The following DIAPH3 variants were observed in gnomAD, a reference collection of about 807,000 sequenced individuals.
The protein encoded by DIAPH3 is protein diaphanous homolog 3.
A neutral mutation model predicts 144.3 loss-of-function variants in DIAPH3; 117 were observed. The ratio of observed to expected loss-of-function variants is 0.81; its 90% CI spans 0.70 to 0.95. The LOEUF is 0.95. Among genes scored for constraint, DIAPH3 ranks in the 40% least tolerant of loss-of-function variants. DIAPH3 has a pLI of 0.00. For synonymous variants in DIAPH3, 519 were observed against 488.9 expected (o/e 1.06, Z -0.81); for missense variants, 1,421 against 1,412.7 (o/e 1.01, Z -0.09).
intron 19 of DIAPH3, among the ~76,000 whole-genome samples, chr13:59,915,185 G>T (rs150516683): frequency 6.6e-6 from 1 of 151,820 alleles, no homozygotes; most frequent in Non-Finnish European, 1.5e-5. Context: ...CAACATGAAC[G>T]AAGATGAAAA....
chr13:59,733,712 G>A (rs755905376), intron 27 of DIAPH3, among the ~76,000 whole-genome samples: 4 of 152,072 alleles, frequency 2.6e-5, no homozygotes, highest in South Asian at 2.1e-4. Flanking sequence ...TATCAACCTC[G>A]ACAGTTCAAG....
intron 25 of DIAPH3, among the ~76,000 whole-genome samples, chr13:59,799,613 A>G (rs2039800587): frequency 6.6e-6 from 1 of 152,202 alleles, no homozygotes. Context: ...TTGTCCTAGG[A>G]TTGTGCCAAT....
intron 5 of DIAPH3, among the ~76,000 whole-genome samples, chr13:60,029,613 C>A (rs1220055400): frequency 1.3e-5 from 2 of 152,150 alleles, no homozygotes; most frequent in Non-Finnish European, 2.9e-5. Context: ...ATCCTGCCAC[C>A]CTGTGAAGAA....
intron 24 of DIAPH3, among the ~76,000 whole-genome samples, chr13:59,816,600 C>T (rs1236787552): frequency 6.6e-6 from 1 of 151,610 alleles, no homozygotes; most frequent in Non-Finnish European, 1.5e-5. Flanking sequence ...TTTTATGTCA[C>T]TTTTTCTTTC....
At chr13:60,129,052 T>C (rs1022006945) in intron 2 of DIAPH3, among the ~76,000 whole-genome samples, 1 of 152,096 alleles carries the variant, frequency 6.6e-6, no homozygotes, top group East Asian at 1.9e-4. Flanking sequence ...ATGAGGATCA[T>C]AGAAGTACTA....
intron 24 of DIAPH3, among the ~76,000 whole-genome samples, chr13:59,816,031 T>C (rs558705668): frequency 6.6e-6 from 1 of 152,230 alleles, no homozygotes; most frequent in South Asian, 2.1e-4. Flanking sequence ...TGTTTTGAAA[T>C]CTGAATAGGA....
intron 21 of DIAPH3, among the ~76,000 whole-genome samples, chr13:59,874,939 A>G (rs2140025800): frequency 6.6e-6 from 1 of 152,312 alleles, no homozygotes; most frequent in East Asian, 1.9e-4. Context: ...TATGGTTATT[A>G]TATGTGGATT....
intron 27 of DIAPH3, among the ~76,000 whole-genome samples, chr13:59,717,169 G>A (rs1021179226): frequency 2.0e-5 from 3 of 152,086 alleles, no homozygotes; most frequent in Non-Finnish European, 4.4e-5. Flanking sequence ...GTAAGTTAAC[G>A]AAACCTTAGA....
chr13:60,050,038 T>A (rs1455650999), intron 4 of DIAPH3, among the ~76,000 whole-genome samples: 1 of 152,088 alleles, frequency 6.6e-6, no homozygotes, highest in East Asian at 1.9e-4. Flanking sequence ...AAAAACATTT[T>A]TCTTAATTAA....
chr13:59,788,928 A>G (rs2039181633), intron 25 of DIAPH3, among the ~76,000 whole-genome samples: 1 of 152,208 alleles, frequency 6.6e-6, no homozygotes, highest in African/African-American at 2.4e-5. Context: ...TGATTGTTAA[A>G]ATGTCTTGCA....
intron 20 of DIAPH3, among the ~76,000 whole-genome samples, chr13:59,901,281 G>T (rs2140177466): frequency 6.6e-6 from 1 of 152,324 alleles, no homozygotes; most frequent in East Asian, 1.9e-4. Flanking sequence ...TCAAGGCCCT[G>T]GTGGCCTCTT....
chr13:59,926,711 T>C (rs1321121217), intron 17 of DIAPH3, among the ~76,000 whole-genome samples: 1 of 152,186 alleles, frequency 6.6e-6, no homozygotes, highest in African/African-American at 2.4e-5. Flanking sequence ...ATAATTTTGA[T>C]TTTTTACAAG....
chr13:59,909,962 A>C (rs1180632559), intron 20 of DIAPH3, among the ~76,000 whole-genome samples: 5 of 152,198 alleles, frequency 3.3e-5, no homozygotes, highest in Non-Finnish European at 7.3e-5. Context: ...ATTTTAAGTA[A>C]ATTGAAAATA....
At chr13:59,873,791 C>T (rs184802451) in intron 21 of DIAPH3, among the ~76,000 whole-genome samples, 129 of 151,306 alleles carry the variant, frequency 8.5e-4, no homozygotes, top group Non-Finnish European at 6.3e-4. Context: ...CTCAGCCTCA[C>T]GAATAGAGTA....
intron 27 of DIAPH3, among the ~76,000 whole-genome samples, chr13:59,682,217 C>T (rs997992718): frequency 6.6e-6 from 1 of 152,196 alleles, no homozygotes; most frequent in Non-Finnish European, 1.5e-5. Context: ...CACATTTTAA[C>T]AAATACTACC....
intron 17 of DIAPH3, among the ~76,000 whole-genome samples, chr13:59,936,255 C>T: frequency 6.6e-6 from 1 of 152,208 alleles, no homozygotes; most frequent in South Asian, 2.1e-4. Context: ...CTCTTTAATC[C>T]TATATGAAAT....
intron 2 of DIAPH3, 67 bp from the exon 3 acceptor site, chr13:60,112,253 A>C: frequency 1.3e-6 from 2 of 1,577,750 alleles, no homozygotes; most frequent in Non-Finnish European, 1.7e-6. Context: ...TCATCTCAAA[A>C]ATGAGAAAAA....
chr13:59,827,645 C>T (rs1297430224), intron 24 of DIAPH3, among the ~76,000 whole-genome samples: 11 of 151,980 alleles, frequency 7.2e-5, no homozygotes, highest in African/African-American at 9.7e-5. Context: ...TTAATTAGTA[C>T]AGGCTTCCAC....
At chr13:59,908,593 T>C (rs989549784) in intron 20 of DIAPH3, among the ~76,000 whole-genome samples, 1 of 152,080 alleles carries the variant, frequency 6.6e-6, no homozygotes, top group African/African-American at 2.4e-5. Flanking sequence ...AAGTTGATTA[T>C]ATAATGCAAG....
Sources: allele counts gnomAD v4.1 joint callset (sites outside exome capture counted in the v4.1 genomes callset), GRCh38; gene constraint gnomAD v4.1.1; transcripts MANE v1.5; gene names NCBI Gene and HGNC (gene_info 2026-07-23, HGNC 2026-07-21).